The following TMEM245 variants were observed in gnomAD, a reference collection of about 807,000 sequenced individuals.
TMEM245 encodes the protein transmembrane protein 245.
TMEM245 carries 69 observed loss-of-function variants against 101.2 expected under a neutral mutation model. That is an observed-to-expected ratio of 0.68 (90% CI 0.56 to 0.83). The LOEUF (loss-of-function observed/expected upper bound fraction) is 0.83. Among genes scored for constraint, TMEM245 ranks in the 40% least tolerant of loss-of-function variants. The pLI is 0.00. For missense variants in TMEM245, 1,075 were observed against 1,092.8 expected (o/e 0.98, Z 0.23); for synonymous variants, 537 against 449.8 (o/e 1.19, Z -2.45).
intron 14 of TMEM245, 52 bp downstream of exon 14, chr9:109,050,231 C>A (rs1253090115): frequency 1.2e-6 from 2 of 1,603,046 alleles, no homozygotes; most frequent in Non-Finnish European, 1.7e-6. Context: ...ACAGGCTTAT[C>A]ATGGAAAAAA....
At chr9:109,066,973 T>G (rs996024349) in intron 9 of TMEM245, among the ~76,000 whole-genome samples, 1 of 151,590 alleles carries the variant, frequency 6.6e-6, no homozygotes. Context: ...GGACAATTGC[T>G]TGAACCCAGG....
At chr9:109,074,271 GA>G (rs1166873288) in intron 8 of TMEM245, among the ~76,000 whole-genome samples, 2 of 151,824 alleles carry the variant, frequency 1.3e-5, no homozygotes, top group Admixed American at 6.6e-5. Flanking sequence ...TTAATCAGTT[GA>G]AAAAAAATTT....
At chr9:109,057,049 A>G (rs1828859774) in intron 12 of TMEM245, 142 bp downstream of exon 12, 1 of 869,724 alleles carries the variant, frequency 1.1e-6, no homozygotes, top group East Asian at 2.9e-5. Context: ...ACATCATCCT[A>G]GTGCATTTAG....
At chr9:109,041,635 A>C (rs1003216622) in intron 14 of TMEM245, among the ~76,000 whole-genome samples, 1 of 151,588 alleles carries the variant, frequency 6.6e-6, no homozygotes, top group Admixed American at 6.6e-5. Context: ...GTTAGGATGC[A>C]TAAGTTCAGT....
intron 8 of TMEM245, among the ~76,000 whole-genome samples, chr9:109,074,080 G>C (rs1829421680): frequency 6.6e-6 from 1 of 151,992 alleles, no homozygotes. Flanking sequence ...GGCTGGTCTT[G>C]AACTCCTGAC....
intron 16 of TMEM245, among the ~76,000 whole-genome samples, chr9:109,034,124 G>A (rs1162209705): frequency 2.6e-5 from 4 of 152,138 alleles, no homozygotes; most frequent in Admixed American, 2.0e-4. Flanking sequence ...AAATAAAACA[G>A]AACACAGTAG....
At chr9:109,058,614 C>CT (rs1588041231) in intron 11 of TMEM245, among the ~76,000 whole-genome samples, 1 of 152,088 alleles carries the variant, frequency 6.6e-6, no homozygotes. Context: ...ATGTTGTCTT[C>CT]TTTTTTTAGA....
At chr9:109,119,152 C>T (rs1368566854) in intron 1 of TMEM245, among the ~76,000 whole-genome samples, 183 bp downstream of exon 1, 1 of 152,222 alleles carries the variant, frequency 6.6e-6, no homozygotes, top group Non-Finnish European at 1.5e-5. Flanking sequence ...ATCACGCCCG[C>T]CCCCTTTTTG....
intron 12 of TMEM245, among the ~76,000 whole-genome samples, chr9:109,052,262 A>C (rs1828708519): frequency 6.6e-6 from 1 of 152,212 alleles, no homozygotes; most frequent in Non-Finnish European, 1.5e-5. Context: ...CCTCCCAACA[A>C]TGCTGTGAAC....
At chr9:109,070,632 G>A (rs1049150057) in intron 9 of TMEM245, among the ~76,000 whole-genome samples, 1 of 148,874 alleles carries the variant, frequency 6.7e-6, no homozygotes, top group African/African-American at 2.4e-5. Flanking sequence ...CAGCTGAAAA[G>A]CCTGTTCTAG....
intron 1 of TMEM245, among the ~76,000 whole-genome samples, chr9:109,109,951 T>C (rs983312172): frequency 2.2e-4 from 33 of 152,176 alleles, no homozygotes; most frequent in African/African-American, 7.2e-4. Context: ...ATTTGGGTGG[T>C]AAAATTTTGT....
intron 3 of TMEM245, among the ~76,000 whole-genome samples, chr9:109,095,087 G>T (rs1481953602): frequency 6.6e-6 from 1 of 152,186 alleles, no homozygotes; most frequent in East Asian, 1.9e-4. Flanking sequence ...TGACCTGAAA[G>T]AGTTCATTTT....
chr9:109,027,500 T>G (rs530918118), intron 17 of TMEM245, among the ~76,000 whole-genome samples: 1 of 152,186 alleles, frequency 6.6e-6, no homozygotes, highest in Non-Finnish European at 1.5e-5. Flanking sequence ...CCCAGGAGGC[T>G]GGCAGCCAGG....
chr9:109,100,815 T>C (rs1057465674), intron 3 of TMEM245, among the ~76,000 whole-genome samples: 1 of 152,236 alleles, frequency 6.6e-6, no homozygotes, highest in African/African-American at 2.4e-5. Context: ...TTTAAAAAGA[T>C]AGCACATTTA....
At chr9:109,072,416 A>G (rs1473269216) in intron 9 of TMEM245, among the ~76,000 whole-genome samples, 1 of 152,224 alleles carries the variant, frequency 6.6e-6, no homozygotes, top group East Asian at 1.9e-4. Context: ...CCTCCCTTTC[A>G]GTGTTTTCAC....
rs1420787013 is a variant in TMEM245 at position 109,057,274 on chromosome 9, G to A, written c.1771C>T (p.Arg591Cys). The part of the protein sequence containing the change: ...RHKGQKLHVS[R>C]QNSWLGDILD... ...ATGTCTCCCAGCCAGCTATTCTGAC[G>A]ACTGACATGCAACTTCTGTCCTTTG... The change falls in exon 12 of 18, where the codon CGT becomes TGT. Residue 591 changes from arginine to cysteine, a missense_variant. This residue lies in a region of TMEM245 where 267 missense variants were observed against 351.3 expected (regional missense o/e 0.76). Coordinates refer to ENST00000374586, the MANE Select transcript of TMEM245 (RefSeq NM_032012.4). 9.9e-6 allele frequency: 16 copies of A among 1,613,908 alleles called. No individual in the cohort carries two copies. The highest frequency in any genetic ancestry group is 1.4e-5 in the Non-Finnish European group (16 of 1,179,970).
chr9:109,117,484 G>C (rs1285269183), intron 1 of TMEM245, among the ~76,000 whole-genome samples: 1 of 152,168 alleles, frequency 6.6e-6, no homozygotes, highest in Non-Finnish European at 1.5e-5. Flanking sequence ...GGTCTAATCA[G>C]TGTTGGCCCC....
At chr9:109,050,867 A>G (rs1828657118) in intron 12 of TMEM245, among the ~76,000 whole-genome samples, 175 bp from the exon 13 acceptor site, 2 of 151,818 alleles carry the variant, frequency 1.3e-5, no homozygotes, top group African/African-American at 4.8e-5. Flanking sequence ...AAACAGTTGT[A>G]TACTCAATAG....
At position 109,015,676 on chromosome 9, in the gene TMEM245, T is replaced by C. The variant is rs1254583938; in HGVS notation, c.*4784A>G. 6.6e-6 allele frequency: 1 copy of C among 152,650 alleles called. No individual in the cohort carries two copies. The highest frequency in any genetic ancestry group is 1.5e-5 in the Non-Finnish European group (1 of 68,042). 9.5% of individuals were successfully genotyped at this position (152,650 alleles called of 1,614,324 possible). A position where few individuals can be genotyped will look rare whatever the true frequency, so the allele number is the denominator to read the frequency against. ...GTTCTGCAACTAAATTCTGGCTCCA[T>C]CATTTTGTGGTATAAACTTAGGGGA... is the stretch of plus-strand genomic sequence containing the variant. On this transcript the variant is annotated 3_prime_UTR_variant, in exon 18 of 18. Coordinates refer to ENST00000374586, the MANE Select transcript of TMEM245 (RefSeq NM_032012.4).
Sources: gnomAD v4.1 joint callset for allele counts (sites outside exome capture counted in the v4.1 genomes callset) on GRCh38, gnomAD v4.1.1 for gene constraint, gnomAD v4.1.1 regional missense constraint, MANE v1.5 for transcripts, NCBI Gene and HGNC (gene_info 2026-07-23, HGNC 2026-07-21) for gene names.